SPATA21: variants seen among roughly 807,000 people sequenced by gnomAD.
SPATA21 encodes the protein spermatogenesis associated 21.
SPATA21 carries 47 observed loss-of-function variants against 54.8 expected under a neutral mutation model. The observed-to-expected ratio is 0.86, with a 90% CI of 0.68 to 1.09. The LOEUF is 1.09. Ranked by LOEUF, SPATA21 falls within the 50% of genes least tolerant of loss-of-function variation. The pLI is 0.00. For missense variants in SPATA21, 599 were observed against 596.4 expected (o/e 1.00, Z -0.05); for synonymous variants, 245 against 235.3 (o/e 1.04, Z -0.38).
At chr1:16,425,825 T>C (rs2086303568) in intron 3 of SPATA21, 1 of 1,103,810 alleles carries the variant, frequency 9.1e-7, no homozygotes, top group Non-Finnish European at 1.3e-6. Flanking sequence ...GGTGCATAGC[T>C]AACGCCTGGA....
Position 16,421,768 on chromosome 1 carries a change from G to C in SPATA21, c.95+143C>G, listed in dbSNP as rs1430369949. 2.3e-6 allele frequency: 3 copies of C among 1,323,496 alleles called. No homozygotes were observed. The highest frequency in any genetic ancestry group is 3.2e-6 in the Non-Finnish European group (3 of 934,000). 82.0% of individuals were successfully genotyped at this position (1,323,496 alleles called of 1,614,324 possible). A position where few individuals can be genotyped will look rare whatever the true frequency, so the allele number is the denominator to read the frequency against. On this transcript the variant is annotated intron_variant, in intron 4 of 12. Transcript: ENST00000335496. This position sits in a 1 kb window ranked among gnomAD's most constrained non-coding sequence, Gnocchi z 5.2. The stretch of plus-strand genomic sequence containing the variant: ...GGTATTCCAGCCATTACACAGATGG[G>C]GAAATTGAGACCCAGCGGAGCATGA...
At chr1:16,426,466 C>G (rs1192017903) in intron 3 of SPATA21, among the ~76,000 whole-genome samples, 1 of 148,624 alleles carries the variant, frequency 6.7e-6, no homozygotes, top group Non-Finnish European at 1.5e-5. Context: ...ACCATGTTGT[C>G]CAGGTTGGTC....
chr1:16,431,534 G>T, intron 2 of SPATA21, 112 bp from the exon 3 acceptor site: 1 of 1,014,078 alleles, frequency 9.9e-7, no homozygotes, highest in Non-Finnish European at 1.4e-6. Context: ...AAGAGGCGGG[G>T]CCAGGCCTTG....
Position 16,409,588 on chromosome 1 carries a change from C to CG in SPATA21, c.587+12dup, listed in dbSNP as rs1382059830. ...CTTTCAGGAGCGGGCGGGTGAGCAG[C>CG]GGGGGCTCCTACCGCGCCTTGGCGT... On this transcript the variant is annotated intron_variant, in intron 6 of 12. Coordinates refer to ENST00000335496, the MANE Select transcript of SPATA21 (RefSeq NM_198546.1). This position sits in a 1 kb window ranked among gnomAD's most constrained non-coding sequence, Gnocchi z 4.1. 5 of 1,604,016 alleles carry CG rather than the reference C, an allele frequency of 3.1e-6. No individual in the cohort carries two copies. The highest frequency in any genetic ancestry group is 4.2e-6 in the Non-Finnish European group (5 of 1,177,006).
intron 3 of SPATA21, among the ~76,000 whole-genome samples, chr1:16,423,539 CTTTTTTTTTT>C (rs966239575): frequency 9.9e-5 from 11 of 111,664 alleles, no homozygotes; most frequent in African/African-American, 3.9e-4. Flanking sequence ...TCTCTCTCTC[CTTTTTTTTTT>C]TTTTTTTTTT....
rs966541784 is a variant in SPATA21 at position 16,408,569 on chromosome 1, C to A, written c.673+549G>T. Reference sequence around the variant, plus strand: ...CTGGCACAGGGAGAGCGCTGGACTTCGAGTCAGAAGACCTAGCACGAGGCT... The same window carrying A: ...CTGGCACAGGGAGAGCGCTGGACTTAGAGTCAGAAGACCTAGCACGAGGCT... On this transcript the variant is annotated intron_variant, in intron 7 of 12. Transcript: ENST00000335496. The A allele has an allele frequency of 5.1e-6, 5 of 982,972 alleles. No homozygotes were observed. The African/African-American group carries it at 8.8e-5, about 17-fold the overall frequency. 60.9% of individuals were successfully genotyped at this position (982,972 alleles called of 1,614,324 possible).
downstream of SPATA21, chr1:16,398,031 C>G (rs1192020662): frequency 1.1e-6 from 1 of 894,736 alleles, no homozygotes; most frequent in African/African-American, 1.8e-5. Context: ...CAGTCTTACT[C>G]TGCTGGTGTA....
chr1:16,418,908 C>A (rs951239113), intron 5 of SPATA21, among the ~76,000 whole-genome samples: 3 of 152,296 alleles, frequency 2.0e-5, no homozygotes, highest in South Asian at 2.1e-4. Flanking sequence ...CCCATCCATT[C>A]ATTTATTCAA....
At chr1:16,436,765 C>G (rs1421044452) in intron 1 of SPATA21, among the ~76,000 whole-genome samples, 2 of 144,568 alleles carry the variant, frequency 1.4e-5, no homozygotes, top group African/African-American at 5.3e-5. Flanking sequence ...GACTCCGTCT[C>G]AAAAAAAATT....
intron 10 of SPATA21, among the ~76,000 whole-genome samples, chr1:16,402,417 ACGCCCAG>A (rs1229579037): frequency 6.7e-6 from 1 of 149,504 alleles, no homozygotes; most frequent in Non-Finnish European, 1.5e-5. Context: ...ACCCGCCACC[ACGCCCAG>A]CTAATTTTTT....
In SPATA21 at chr1:16,430,193, T is replaced by C. The variant is rs544076695; in HGVS notation, c.34+1145A>G. ...CTGTAATCCCAACACTTTGGGAGGCTGAGGCAGACAGATCACTTGAGCCCA... is the reference window on the plus strand; with the variant it reads ...CTGTAATCCCAACACTTTGGGAGGCCGAGGCAGACAGATCACTTGAGCCCA... On this transcript the variant is annotated intron_variant, in intron 3 of 12. Coordinates refer to ENST00000335496, the MANE Select transcript of SPATA21 (RefSeq NM_198546.1). 2.0e-5 allele frequency among the ~76,000 whole-genome samples: 3 copies of C among 149,782 alleles called. No homozygotes were observed. In the East Asian group the frequency reaches 5.9e-4, roughly 30 times the overall value.
At chr1:16,417,070 C>T (rs1202979001) in intron 5 of SPATA21, among the ~76,000 whole-genome samples, 1 of 152,200 alleles carries the variant, frequency 6.6e-6, no homozygotes, top group South Asian at 2.1e-4. Context: ...CACGGTGAGC[C>T]TGCCTCACAT....
At chr1:16,420,491 T>A (rs952235056) in intron 5 of SPATA21, among the ~76,000 whole-genome samples, 4 of 151,856 alleles carry the variant, frequency 2.6e-5, no homozygotes, top group Non-Finnish European at 5.9e-5. Context: ...CACTCCAGCC[T>A]GGGCAACAGA....
chr1:16,403,479 TTTTC>T (rs1342877332), intron 10 of SPATA21, among the ~76,000 whole-genome samples: 1 of 133,858 alleles, frequency 7.5e-6, no homozygotes, highest in Admixed American at 7.9e-5. Context: ...ATTCTAGTTT[TTTTC>T]TTTTTTTTCT....
intron 5 of SPATA21, among the ~76,000 whole-genome samples, chr1:16,418,126 A>C (rs779127119): frequency 3.3e-5 from 5 of 152,146 alleles, no homozygotes; most frequent in Non-Finnish European, 5.9e-5. Flanking sequence ...TATGCCACAG[A>C]CACTCAGTAT....
chr1:16,410,954 C>T, intron 5 of SPATA21: 1 of 210,330 alleles, frequency 4.8e-6, no homozygotes, highest in Non-Finnish European at 1.0e-5. Flanking sequence ...AGGATCTTGG[C>T]TGCCTCTTTT....
rs142328321 is a variant in SPATA21 at position 16,403,986 on chromosome 1, G to A, written c.865C>T (p.Arg289Cys). 1.1e-5 allele frequency: 18 copies of A among 1,573,860 alleles called. No individual in the cohort carries two copies. The highest frequency in any genetic ancestry group is 2.3e-5 in the East Asian group (1 of 42,602). Reference protein sequence around the residue: ...DFLAVMTDTRRFFCSVEQNAL... With the variant: ...DFLAVMTDTRCFFCSVEQNAL... ...TGCTCACCCACAGAGCAGAAGAAGC[G>A]CCTGGTGTCTGTCATCACAGCCAAG... Residue 289 changes from arginine (R) to cysteine (C), a missense_variant, in exon 9 of 13, where the codon CGC (arginine) becomes TGC (cysteine). Physicochemically the swap from Arg to Cys is radical, Grantham distance 180. Transcript: ENST00000335496.
At position 16,432,332 on chromosome 1, in the gene SPATA21, C is replaced by T. The variant is rs1414448401; in HGVS notation, c.-52+458G>A. Among the ~76,000 whole-genome samples the T allele has an allele frequency of 4.0e-5, 6 of 151,830 alleles. No homozygotes were observed. In the South Asian group the frequency reaches 8.3e-4, roughly 21 times the overall value. On this transcript the variant is annotated intron_variant, in intron 2 of 12. Transcript: ENST00000335496. Reference sequence around the variant, plus strand: ...AGATGGGGTTTCACCAGGTTGGCCACGCTGGTCTTGAACTCCTGACCTCAA... The same window carrying T: ...AGATGGGGTTTCACCAGGTTGGCCATGCTGGTCTTGAACTCCTGACCTCAA...
chr1:16,403,967 C>T lies in SPATA21; in HGVS notation c.883+1G>A, dbSNP rs2085542469. The T allele has an allele frequency of 6.3e-7, 1 of 1,592,748 alleles. No individual in the cohort carries two copies. Among genetic ancestry groups the T allele is most frequent in the Non-Finnish European group, 8.6e-7 (1 of 1,169,570 alleles). On this transcript the variant is annotated splice_donor_variant, in intron 9 of 12. Transcript: ENST00000335496. LOFTEE classifies it high-confidence loss of function. ...ACTACGCTGGGCTCATCCCTGCTCA[C>T]CCACAGAGCAGAAGAAGCGCCTGGT...
Sources: allele counts gnomAD v4.1 joint callset (sites outside exome capture counted in the v4.1 genomes callset), GRCh38; gene constraint gnomAD v4.1.1; non-coding constraint Gnocchi (gnomAD v3.1); transcripts MANE v1.5; gene names NCBI Gene and HGNC (gene_info 2026-07-23, HGNC 2026-07-21).